Variants in PCDH15 observed in about 807,000 individuals in gnomAD.
The protein encoded by PCDH15 is protocadherin-15.
A neutral mutation model predicts 178.5 loss-of-function variants in PCDH15; 129 were observed. The ratio of observed to expected loss-of-function variants is 0.72; its 90% CI spans 0.63 to 0.84. The LOEUF is 0.84. Among genes scored for constraint, PCDH15 ranks in the 40% least tolerant of loss-of-function variants. The probability of loss-of-function intolerance (pLI) is 0.00; values close to 1 mark genes in which losing one functional copy is unlikely to be tolerated. For synonymous variants in PCDH15, 800 were observed against 732.0 expected, an observed-to-expected ratio of 1.09 and a Z score of -1.50; for missense variants, 2,230 against 2,099.9, an observed-to-expected ratio of 1.06 and a Z score of -1.21.
At chr10:55,337,078 G>A (rs1053006366) in intron 2 of PCDH15, among the ~76,000 whole-genome samples, 12 of 152,086 alleles carry the variant, frequency 7.9e-5, no homozygotes, top group Non-Finnish European at 1.6e-4. Context: ...TCCAGTTGAG[G>A]ATCTCAGAAA....
chr10:55,009,514 T>G (rs1840004078), intron 2 of PCDH15, among the ~76,000 whole-genome samples: 1 of 152,152 alleles, frequency 6.6e-6, no homozygotes. Flanking sequence ...AGAAGCCACC[T>G]TCTATTTCAC....
chr10:54,073,135 GTA>G (rs758683051), intron 17 of PCDH15, among the ~76,000 whole-genome samples: 21 of 151,240 alleles, frequency 1.4e-4, no homozygotes, highest in Non-Finnish European at 2.5e-4. Flanking sequence ...ATGTATGTGT[GTA>G]TGTATGTATA....
At chr10:54,199,733 T>C (rs1274752562) in intron 10 of PCDH15, among the ~76,000 whole-genome samples, 1 of 152,104 alleles carries the variant, frequency 6.6e-6, no homozygotes, top group African/African-American at 2.4e-5. Flanking sequence ...AAATGAGAAA[T>C]ATTTTAAAAA....
At chr10:54,070,452 C>T (rs545606946) in intron 17 of PCDH15, among the ~76,000 whole-genome samples, 126 of 152,336 alleles carry the variant, frequency 8.3e-4, no homozygotes, top group African/African-American at 2.8e-3. Flanking sequence ...AATCTGTCCG[C>T]CTTGGCCTAT....
chr10:54,220,578 C>T (rs1201543275), intron 9 of PCDH15, among the ~76,000 whole-genome samples: 1 of 152,172 alleles, frequency 6.6e-6, no homozygotes, highest in African/African-American at 2.4e-5. Context: ...ATCTCCTTAG[C>T]ACTTTGGGAG....
At chr10:53,968,514 A>G (rs561803859) in intron 21 of PCDH15, among the ~76,000 whole-genome samples, 6 of 152,278 alleles carry the variant, frequency 3.9e-5, no homozygotes, top group African/African-American at 1.4e-4. Context: ...TGCTTCCCCC[A>G]GCACAGAGTT....
intron 2 of PCDH15, among the ~76,000 whole-genome samples, chr10:55,330,297 T>C (rs1482887880): frequency 1.3e-5 from 2 of 151,848 alleles, no homozygotes; most frequent in African/African-American, 4.8e-5. Flanking sequence ...TATATTTGCC[T>C]CGCTTTTGAC....
chr10:54,987,938 G>C (rs147743794), intron 2 of PCDH15, among the ~76,000 whole-genome samples: 1 of 151,968 alleles, frequency 6.6e-6, no homozygotes, highest in East Asian at 1.9e-4. Flanking sequence ...GTCTTTGCCC[G>C]TGCCTGTGTG....
intron 1 of PCDH15, among the ~76,000 whole-genome samples, chr10:54,674,087 C>A (rs2094733656): frequency 6.6e-6 from 1 of 152,132 alleles, no homozygotes; most frequent in South Asian, 2.1e-4. Context: ...CATAAAGTTT[C>A]ATACTATATC....
intron 18 of PCDH15, among the ~76,000 whole-genome samples, chr10:54,024,982 T>A (rs771037644): frequency 6.6e-5 from 10 of 152,274 alleles, no homozygotes; most frequent in Non-Finnish European, 7.4e-5. Context: ...TTCAGTCACT[T>A]TTTCTGTCTA....
intron 24 of PCDH15, 29 bp downstream of exon 24, chr10:53,940,837 G>C: frequency 2.0e-6 from 3 of 1,484,734 alleles, no homozygotes; most frequent in Non-Finnish European, 2.8e-6. Context: ...CTGGTTGATG[G>C]TGAGAACACA....
intron 28 of PCDH15, among the ~76,000 whole-genome samples, chr10:53,855,918 A>ATATATATATATATATATATATATATATG (rs1554832785): frequency 1.4e-5 from 2 of 139,536 alleles, no homozygotes; most frequent in Non-Finnish European, 3.1e-5. Context: ...ATATATATAT[A>ATATATATATATATATATATATATATATG]TATGTATGTG....
intron 25 of PCDH15, among the ~76,000 whole-genome samples, chr10:53,936,834 G>T (rs562526378): frequency 6.6e-6 from 1 of 152,116 alleles, no homozygotes; most frequent in South Asian, 2.1e-4. Context: ...TAATTCTGCT[G>T]CAGAGATGAA....
chr10:54,657,634 C>A (rs1324020302), intron 2 of PCDH15, among the ~76,000 whole-genome samples: 1 of 152,134 alleles, frequency 6.6e-6, no homozygotes, highest in Non-Finnish European at 1.5e-5. Flanking sequence ...AGAACTTTGG[C>A]ACACTGAAAG....
intron 8 of PCDH15, among the ~76,000 whole-genome samples, chr10:54,293,337 A>C (rs2059543778): frequency 6.6e-6 from 1 of 152,238 alleles, no homozygotes. Flanking sequence ...TAAAGACTTA[A>C]ATGTTAGACC....
intron 2 of PCDH15, among the ~76,000 whole-genome samples, chr10:55,407,696 ACACAAACACATG>A (rs1482509099): frequency 6.6e-6 from 1 of 152,204 alleles, no homozygotes; most frequent in Non-Finnish European, 1.5e-5. Context: ...ATGCACATGC[ACACAAACACATG>A]CACAAACACA....
intron 2 of PCDH15, among the ~76,000 whole-genome samples, chr10:54,642,101 G>A (rs541537503): frequency 3.3e-5 from 5 of 151,798 alleles, no homozygotes; most frequent in African/African-American, 1.2e-4. Context: ...GGCTCTTTGG[G>A]AGATAATTAG....
chr10:54,280,502 G>A (rs927683361), intron 8 of PCDH15, among the ~76,000 whole-genome samples: 4 of 151,628 alleles, frequency 2.6e-5, no homozygotes, highest in African/African-American at 9.7e-5. Context: ...ATTGCTACAT[G>A]TTAGAATAAA....
chr10:54,028,687 A>G (rs1240528040), intron 18 of PCDH15, among the ~76,000 whole-genome samples: 8 of 149,644 alleles, frequency 5.3e-5, no homozygotes, highest in Admixed American at 3.4e-4. Context: ...CTATCGCAAG[A>G]ACAAAAAACC....
Sources: gnomAD v4.1 joint callset for allele counts (sites outside exome capture counted in the v4.1 genomes callset) on GRCh38, gnomAD v4.1.1 for gene constraint, MANE v1.5 for transcripts, NCBI Gene and HGNC (gene_info 2026-07-23, HGNC 2026-07-21) for gene names.